The following HTT variants were observed in gnomAD, a reference collection of about 807,000 sequenced individuals.
HTT encodes the protein huntington disease protein.
A neutral mutation model predicts 362.3 loss-of-function variants in HTT; 104 were observed. The ratio of observed to expected loss-of-function variants is 0.29; its 90% CI spans 0.24 to 0.34. The LOEUF (loss-of-function observed/expected upper bound fraction) is 0.34, where lower values mean the gene tolerates loss of function less well. HTT is among the 10% of genes least tolerant of loss of function. The pLI is 1.00. For missense variants in HTT, 3,301 were observed against 3,928.6 expected (o/e 0.84, Z 4.27); for synonymous variants, 1,577 against 1,548.7 (o/e 1.02, Z -0.43).
intron 2 of HTT, among the ~76,000 whole-genome samples, chr4:3,095,765 A>G (rs747085398): frequency 5.9e-5 from 9 of 152,256 alleles, no homozygotes; most frequent in Non-Finnish European, 2.9e-5. Context: ...AAAGCACAAC[A>G]AGGAATTATA....
At chr4:3,077,028 A>G (rs1271267202) in intron 1 of HTT, among the ~76,000 whole-genome samples, 1 of 151,996 alleles carries the variant, frequency 6.6e-6, no homozygotes, top group African/African-American at 2.4e-5. Context: ...AAATACAAAA[A>G]TTAGCTGGTC....
At chr4:3,075,248 C>G (rs968737214) in intron 1 of HTT, among the ~76,000 whole-genome samples, 160 bp downstream of exon 1, 12 of 152,242 alleles carry the variant, frequency 7.9e-5, no homozygotes, top group Admixed American at 7.8e-4. Flanking sequence ...CCCGCCCCCT[C>G]CTGGGGCGAG....
intron 26 of HTT, among the ~76,000 whole-genome samples, chr4:3,153,961 C>T (rs994405003): frequency 1.3e-5 from 2 of 152,096 alleles, no homozygotes; most frequent in East Asian, 1.9e-4. Flanking sequence ...CATGTCATGG[C>T]GTCATGGCCA....
Position 3,140,637 on chromosome 4 carries a change from T to C in HTT, c.2926T>C (p.Ser976Pro). The change falls in exon 22 of 67, where the codon TCC becomes CCC. Residue 976 changes from serine (S) to proline (P), a missense_variant. By Grantham distance (74) the Ser-to-Pro change is moderately conservative. Transcript: ENST00000355072. ...TGAGACGCAGCCTCCATCTCATTTC[T>C]CCGTCAGCACAATAACCAGGTATGC... ...MHETQPPSHF[S>P]VSTITRIYRG... The C allele has an allele frequency of 1.2e-6, 2 of 1,614,146 alleles. No homozygotes were observed. The highest frequency in any genetic ancestry group is 2.2e-5 in the East Asian group (1 of 44,890).
chr4:3,174,796 T>A lies in HTT; in HGVS notation c.4242T>A (p.Asp1414Glu), dbSNP rs1335500178. The change falls in exon 32 of 67, where the codon GAT becomes GAA. Residue 1414 changes from aspartate (D) to glutamate (E), a missense_variant. Physicochemically the swap from Asp to Glu is conservative, Grantham distance 45 (BLOSUM62 2). Around this residue, in one of 4 missense-constraint regions of HTT, gnomAD observed 2,316 missense variants for 2,658.5 expected, o/e 0.87. Transcript: ENST00000355072. ...CGAGTGTCACAAAGAACCGTGCAGA[T>A]AAGGTAAATGGTGCCGTTTGTGGCA... ...NLTSVTKNRA[D>E]KNAIHNHIRL... is the part of the protein sequence containing the mutation. 2.5e-6 allele frequency: 4 copies of A among 1,613,858 alleles called. No homozygotes were observed. The Admixed American group carries it at 6.7e-5, about 27-fold the overall frequency.
In HTT at chr4:3,204,168, A is replaced by C. The variant is rs1719732979; in HGVS notation, c.5718+20A>C. The C allele has an allele frequency of 6.2e-7, 1 of 1,613,910 alleles. No individual in the cohort carries two copies. The highest frequency in any genetic ancestry group is 2.2e-5 in the East Asian group (1 of 44,888). The stretch of plus-strand genomic sequence containing the variant: ...TATGTCGTAAGTTTGAAATGCCTGT[A>C]AACGGGGTTGAGGGAGGTGGGGACC... On this transcript the variant is annotated intron_variant, in intron 42 of 66. Coordinates refer to ENST00000355072, the MANE Select transcript of HTT (RefSeq NM_001388492.1).
intron 64 of HTT, 98 bp downstream of exon 64, chr4:3,236,352 G>C: frequency 7.0e-6 from 6 of 852,330 alleles, no homozygotes; most frequent in Non-Finnish European, 1.2e-5. Flanking sequence ...TGGCGCTGTT[G>C]CTGGAGTCCT....
At chr4:3,113,577 T>C (rs1447889835) in intron 6 of HTT, among the ~76,000 whole-genome samples, 3 of 152,140 alleles carry the variant, frequency 2.0e-5, no homozygotes, top group Non-Finnish European at 4.4e-5. Flanking sequence ...TGATCTGCCT[T>C]CTTCAGCCTC....
rs181516799 is a variant in HTT, at chr4:3,151,018, G to A, written c.3498+2811G>A. On this transcript the variant is annotated intron_variant, in intron 26 of 66. Coordinates refer to ENST00000355072, the MANE Select transcript of HTT (RefSeq NM_001388492.1). Reference sequence around the variant, plus strand: ...TGTGCCATTGCACTCCAGCCTGGGCGACAGAGCGAGACTCTGTCTCAAAAA... The same window carrying A: ...TGTGCCATTGCACTCCAGCCTGGGCAACAGAGCGAGACTCTGTCTCAAAAA... Among the ~76,000 whole-genome samples the A allele has an allele frequency of 8.0e-5, 12 of 150,836 alleles. No homozygotes were observed. In the South Asian group the frequency reaches 1.9e-3, roughly 24 times the overall value.
chr4:3,222,995 A>T (rs767719091), intron 54 of HTT, among the ~76,000 whole-genome samples: 1 of 152,242 alleles, frequency 6.6e-6, no homozygotes, highest in Non-Finnish European at 1.5e-5. Flanking sequence ...TTCTGATAGA[A>T]GGTGTGGTTT....
At chr4:3,213,934 C>T (rs754526486) in intron 49 of HTT, 24 bp from the exon 50 acceptor site, 1 of 1,501,286 alleles carries the variant, frequency 6.7e-7, no homozygotes, top group Non-Finnish European at 9.0e-7. Context: ...AGTGGGCATT[C>T]TGTGACTCGG....
intron 12 of HTT, 108 bp from the exon 13 acceptor site, chr4:3,129,816 T>A: frequency 7.8e-7 from 1 of 1,290,052 alleles, no homozygotes. Context: ...AGTACATTTG[T>A]GTTCTGTGTG....
Position 3,228,621 on chromosome 4 carries a change from A to G in HTT, c.7855A>G (p.Ile2619Val), listed in dbSNP as rs778129310. ...TGCCCCGTTTCTGTGGCAGGTGTCC[A>G]TACACTCCGTGTGGCTGGGGAACAG... ...SMSYKLGQVS[I>V]HSVWLGNSIT... Residue 2619 changes from isoleucine (I) to valine (V), a missense_variant, in exon 58 of 67, where the codon ATA becomes GTA. By Grantham distance (29) the Ile-to-Val change is conservative (BLOSUM62 3). Transcript: ENST00000355072. The surrounding 1 kb of genome is among the most constrained non-coding windows in gnomAD (Gnocchi z 4.3). The G allele has an allele frequency of 6.4e-7, 1 of 1,571,314 alleles. No individual in the cohort carries two copies. Among genetic ancestry groups the G allele is most frequent in the African/African-American group, 1.4e-5 (1 of 73,502 alleles).
chr4:3,220,393 C>T, intron 53 of HTT, 85 bp downstream of exon 53: 1 of 1,338,282 alleles, frequency 7.5e-7, no homozygotes, highest in Non-Finnish European at 1.0e-6. Context: ...GGGATCTTCT[C>T]ATTTGACTCC....
At position 3,212,187 on chromosome 4, in the gene HTT, G is replaced by A; in HGVS notation, c.6628+45G>A. ...ATCTTATTTTTAAAAAGCATTCCAG[G>A]GCCAGTATAGTACTTTGCACCAAGT... On this transcript the variant is annotated intron_variant, in intron 48 of 66. Transcript: ENST00000355072. The A allele has an allele frequency of 3.5e-6, 5 of 1,409,072 alleles. No homozygotes were observed. In the South Asian group the frequency reaches 3.7e-5, roughly 10 times the overall value. 87.3% of individuals were successfully genotyped at this position (1,409,072 alleles called of 1,614,324 possible).
chr4:3,163,278 A>T (rs1227835628), intron 29 of HTT, among the ~76,000 whole-genome samples: 3 of 152,160 alleles, frequency 2.0e-5, no homozygotes, highest in Non-Finnish European at 2.9e-5. Context: ...GATGAAGCTG[A>T]CTTGATTGTG....
Position 3,228,558 on chromosome 4 carries a change from C to T in HTT, c.7849-57C>T, listed in dbSNP as rs1465954511. ...CTGAGTCCCAGTGGCCACACCCACCCACCAGGAGCCTGGCACTGTGGCCGC... is the reference window on the plus strand; with the variant it reads ...CTGAGTCCCAGTGGCCACACCCACCTACCAGGAGCCTGGCACTGTGGCCGC... On this transcript the variant is annotated intron_variant, in intron 57 of 66. Coordinates refer to ENST00000355072, the MANE Select transcript of HTT (RefSeq NM_001388492.1). The surrounding 1 kb of genome is among the most constrained non-coding windows in gnomAD (Gnocchi z 4.3). 6.6e-7 allele frequency: 1 copy of T among 1,508,106 alleles called. No individual in the cohort carries two copies. The highest frequency in any genetic ancestry group is 2.3e-5 in the East Asian group (1 of 43,696). The allele number at this position is 1,508,106 out of a possible 1,614,324, so 93.4% of individuals were successfully genotyped here. A position where few individuals can be genotyped will look rare whatever the true frequency, so the allele number is the denominator to read the frequency against.
At chr4:3,142,069 C>T (rs1414448279) in intron 22 of HTT, among the ~76,000 whole-genome samples, 1 of 152,162 alleles carries the variant, frequency 6.6e-6, no homozygotes, top group Non-Finnish European at 1.5e-5. Flanking sequence ...AAAAGTCTCC[C>T]AGTTCCAAAC....
At chr4:3,222,526 T>TAA (rs1293395131) in intron 54 of HTT, 39 bp downstream of exon 54, 1 of 1,475,706 alleles carries the variant, frequency 6.8e-7, no homozygotes, top group Non-Finnish European at 9.4e-7. Flanking sequence ...CATGGGCAGT[T>TAA]ATGGCCGCTT....
Sources: gnomAD v4.1 joint callset for allele counts (sites outside exome capture counted in the v4.1 genomes callset) on GRCh38, gnomAD v4.1.1 for gene constraint, gnomAD v4.1.1 regional missense constraint, Gnocchi (gnomAD v3.1) non-coding constraint, MANE v1.5 for transcripts, NCBI Gene and HGNC (gene_info 2026-07-23, HGNC 2026-07-21) for gene names.